AMPH: variants seen among roughly 807,000 people sequenced by gnomAD.
The protein encoded by AMPH is amphiphysin.
A neutral mutation model predicts 99.1 loss-of-function variants in AMPH; 49 were observed. The ratio of observed to expected loss-of-function variants is 0.49; its 90% CI spans 0.39 to 0.63. The LOEUF (loss-of-function observed/expected upper bound fraction) is 0.63. Ranked by LOEUF, AMPH falls within the 20% of genes least tolerant of loss-of-function variation. AMPH has a pLI of 0.00. For synonymous variants in AMPH, 314 were observed against 317.3 expected, an observed-to-expected ratio of 0.99 and a Z score of 0.11; for missense variants, 759 against 863.4, an observed-to-expected ratio of 0.88 and a Z score of 1.52.
intron 2 of AMPH, among the ~76,000 whole-genome samples, chr7:38,516,224 T>C (rs1330155067): frequency 1.3e-5 from 2 of 152,182 alleles, no homozygotes; most frequent in East Asian, 3.9e-4. Context: ...GCATTTTTTT[T>C]CAGAGACCTT....
At chr7:38,524,895 A>G (rs1790104549) in intron 2 of AMPH, among the ~76,000 whole-genome samples, 1 of 152,020 alleles carries the variant, frequency 6.6e-6, no homozygotes, top group South Asian at 2.1e-4. Flanking sequence ...TGAATCCTAT[A>G]ATTCAGCACA....
At chr7:38,617,157 A>G (rs1392175218) in intron 1 of AMPH, among the ~76,000 whole-genome samples, 1 of 152,208 alleles carries the variant, frequency 6.6e-6, no homozygotes, top group Admixed American at 6.5e-5. Flanking sequence ...TTCCACTTCA[A>G]TTTAAGGAAG....
At chr7:38,540,550 G>A (rs931490276) in intron 1 of AMPH, among the ~76,000 whole-genome samples, 1 of 151,782 alleles carries the variant, frequency 6.6e-6, no homozygotes, top group African/African-American at 2.4e-5. Flanking sequence ...GTGGAATATT[G>A]TGTTGGCAGC....
chr7:38,521,809 A>G (rs548627409), intron 2 of AMPH, among the ~76,000 whole-genome samples: 1 of 152,196 alleles, frequency 6.6e-6, no homozygotes, highest in East Asian at 1.9e-4. Context: ...TTTATTATCC[A>G]GTTTTCTTAC....
intron 1 of AMPH, among the ~76,000 whole-genome samples, chr7:38,580,470 C>T (rs1280832222): frequency 1.3e-5 from 2 of 152,060 alleles, no homozygotes; most frequent in Admixed American, 1.3e-4. Context: ...ATCACCAAAC[C>T]CCTGTGGCCC....
At chr7:38,537,286 A>G (rs1790647194) in intron 1 of AMPH, among the ~76,000 whole-genome samples, 1 of 152,202 alleles carries the variant, frequency 6.6e-6, no homozygotes, top group Admixed American at 6.5e-5. Context: ...AGATAAAGAT[A>G]TTAATAGTGC....
chr7:38,420,906 C>A, intron 16 of AMPH: 1 of 454,534 alleles, frequency 2.2e-6, no homozygotes. Context: ...CAACTTCACC[C>A]CCTACCTCGC....
chr7:38,612,258 T>C (rs767029021), intron 1 of AMPH, among the ~76,000 whole-genome samples: 1 of 152,040 alleles, frequency 6.6e-6, no homozygotes, highest in Non-Finnish European at 1.5e-5. Context: ...GTATTTTTAG[T>C]ACAGACGGGG....
intron 11 of AMPH, among the ~76,000 whole-genome samples, chr7:38,447,311 G>A (rs780369037): frequency 4.6e-5 from 7 of 152,130 alleles, no homozygotes; most frequent in Non-Finnish European, 7.4e-5. Context: ...GAGCTACCAC[G>A]CCCGGCCACA....
At chr7:38,548,886 A>C (rs1382788503) in intron 1 of AMPH, among the ~76,000 whole-genome samples, 3 of 140,968 alleles carry the variant, frequency 2.1e-5, no homozygotes, top group South Asian at 4.4e-4. Flanking sequence ...TGAGTTGTCT[A>C]CGTGGCCAGT....
At chr7:38,544,990 A>G (rs1584229024) in intron 1 of AMPH, among the ~76,000 whole-genome samples, 1 of 152,328 alleles carries the variant, frequency 6.6e-6, no homozygotes, top group Non-Finnish European at 1.5e-5. Context: ...TTTTAGAGCT[A>G]AAGGGATACT....
At chr7:38,430,525 C>G (rs1413176949) in intron 13 of AMPH, among the ~76,000 whole-genome samples, 2 of 152,192 alleles carry the variant, frequency 1.3e-5, no homozygotes, top group African/African-American at 2.4e-5. Context: ...CTGAAACGTT[C>G]AAAAGCTCTT....
At chr7:38,506,466 C>T (rs1161023791) in intron 2 of AMPH, among the ~76,000 whole-genome samples, 2 of 152,118 alleles carry the variant, frequency 1.3e-5, no homozygotes, top group Non-Finnish European at 2.9e-5. Flanking sequence ...GAGAAGCAAG[C>T]TCCAGAATCA....
chr7:38,591,622 A>C, intron 1 of AMPH, among the ~76,000 whole-genome samples: 1 of 152,120 alleles, frequency 6.6e-6, no homozygotes, highest in East Asian at 1.9e-4. Context: ...GGCTCTCATA[A>C]GTTAGAAAGG....
At chr7:38,555,250 A>T (rs1216379535) in intron 1 of AMPH, among the ~76,000 whole-genome samples, 1 of 22,792 alleles carries the variant, frequency 4.4e-5, no homozygotes, top group Non-Finnish European at 7.0e-5. Context: ...AACACAATTT[A>T]AAAAAAAAAA....
At chr7:38,595,770 A>G (rs902957223) in intron 1 of AMPH, among the ~76,000 whole-genome samples, 2 of 152,146 alleles carry the variant, frequency 1.3e-5, no homozygotes, top group East Asian at 1.9e-4. Context: ...CTTCATGCCA[A>G]TGTGTGCTCA....
chr7:38,446,200 T>A (rs1461080982), intron 11 of AMPH, among the ~76,000 whole-genome samples: 2 of 152,212 alleles, frequency 1.3e-5, no homozygotes, highest in Non-Finnish European at 2.9e-5. Flanking sequence ...CTAGAACTCT[T>A]ATGCGATGCT....
chr7:38,571,093 TGAA>T (rs1562834777), intron 1 of AMPH, among the ~76,000 whole-genome samples: 1 of 66,212 alleles, frequency 1.5e-5, no homozygotes, highest in African/African-American at 6.5e-5. Context: ...ATTCATATAT[TGAA>T]TATATATATT....
rs756088309 is a variant in AMPH, at chr7:38,417,904, G to A, written c.1319C>T (p.Pro440Leu). 16 of 1,614,050 alleles carry A rather than the reference G, an allele frequency of 9.9e-6. No individual in the cohort carries two copies. Among genetic ancestry groups the A allele is most frequent in the Non-Finnish European group, 1.4e-5 (16 of 1,180,026 alleles). Residue 440 changes from proline to leucine, a missense_variant, in exon 17 of 21, where the codon CCT becomes CTT. Transcript: ENST00000356264. ...AACGGCAGGTGTGACAGCAGCCAGA[G>A]GCTCCTCTGCTTTTGGCTCTGTGGG... Reference protein sequence around the residue: ...APPTEPKAEEPLAAVTPAVGL... With the variant: ...APPTEPKAEELLAAVTPAVGL...
Sources: allele counts gnomAD v4.1 joint callset (sites outside exome capture counted in the v4.1 genomes callset), GRCh38; gene constraint gnomAD v4.1.1; transcripts MANE v1.5; gene names NCBI Gene and HGNC (gene_info 2026-07-23, HGNC 2026-07-21).